Variants in HOXB3 observed in about 807,000 individuals in gnomAD.
HOXB3 encodes homeobox B3, also known as homeobox protein Hox-B3.
HOXB3 carries 17 observed loss-of-function variants against 29.2 expected under a neutral mutation model. That is an observed-to-expected ratio of 0.58 (90% confidence interval 0.40 to 0.87). HOXB3 has a LOEUF of 0.87. Ranked by LOEUF, HOXB3 falls within the 40% of genes least tolerant of loss-of-function variation. HOXB3 has a pLI of 0.00. For missense variants in HOXB3, 637 were observed against 616.3 expected (o/e 1.03, Z -0.35); for synonymous variants, 317 against 285.9 (o/e 1.11, Z -1.10).
chr17:48,558,046 A>AT (rs936729918), intron 2 of HOXB3, among the ~76,000 whole-genome samples: 39 of 151,582 alleles, frequency 2.6e-4, no homozygotes, highest in African/African-American at 8.6e-4. Flanking sequence ...ACTCCCCCAA[A>AT]TAAAAAAAAA....
At chr17:48,585,292 G>T (rs2070025432) in intron 1 of HOXB3, among the ~76,000 whole-genome samples, 1 of 152,214 alleles carries the variant, frequency 6.6e-6, no homozygotes, top group Non-Finnish European at 1.5e-5. Context: ...GTGGGGCCGA[G>T]GTTGCCGGAT....
intron 1 of HOXB3, chr17:48,577,896 A>T: frequency 7.2e-7 from 1 of 1,383,710 alleles, no homozygotes; most frequent in Non-Finnish European, 9.4e-7. Context: ...ATCCAGGGGT[A>T]GACGACGGGC....
intron 1 of HOXB3, among the ~76,000 whole-genome samples, chr17:48,586,298 G>A (rs1156486876): frequency 6.6e-6 from 1 of 152,184 alleles, no homozygotes; most frequent in African/African-American, 2.4e-5. Context: ...ACAGGTTCCC[G>A]AATTGCCCGA....
chr17:48,569,049 CCCTCTCTCTCT>C (rs1233756271), intron 2 of HOXB3, among the ~76,000 whole-genome samples: 19 of 117,028 alleles, frequency 1.6e-4, no homozygotes, highest in South Asian at 8.5e-4. Flanking sequence ...CTCTCTCTCT[CCCTCTCTCTCT>C]CCCCCCTCTC....
chr17:48,552,410 G>A lies in HOXB3; in HGVS notation c.65C>T (p.Pro22Leu). Reference protein sequence around the residue: ...AALFGGYSSYPGSNGFGFDVP... With the variant: ...AALFGGYSSYLGSNGFGFDVP... ...ATCGAAGCCGAAGCCATTGCTGCCA[G>A]GGTACGAGGAATAGCCTCCGAAGAG... Residue 22 changes from proline (P) to leucine (L), a missense_variant, in exon 4 of 5, where the codon CCT becomes CTT. Coordinates refer to ENST00000498678, the MANE Select transcript of HOXB3 (RefSeq NM_001384749.1). 6.2e-7 allele frequency: 1 copy of A among 1,611,184 alleles called. No homozygotes were observed. Among genetic ancestry groups the A allele is most frequent in the Non-Finnish European group, 8.5e-7 (1 of 1,178,126 alleles).
chr17:48,561,183 A>ACACACACACACAC (rs2069180332), intron 2 of HOXB3, among the ~76,000 whole-genome samples: 2 of 125,382 alleles, frequency 1.6e-5, no homozygotes, highest in African/African-American at 2.9e-5. Context: ...TCCGTCTCAA[A>ACACACACACACAC]ACACACACAC....
Position 48,551,030 on chromosome 17 carries a change from C to T in HOXB3, c.600G>A (p.Leu200=), listed in dbSNP as rs2068713378. The stretch of plus-strand genomic sequence containing the variant: ...AATGGAACTCCTTCTCCAGCTCCAC[C>T]AGCTGCGCGCTCGTGTACGCCGTCC... ...RARTAYTSAQ[L]VELEKEFHFN... Residue 200 remains leucine (L), a synonymous_variant, in exon 5 of 5, where the codon CTG becomes CTA. Coordinates refer to ENST00000498678, the MANE Select transcript of HOXB3 (RefSeq NM_001384749.1). The T allele has an allele frequency of 6.2e-7, 1 of 1,611,066 alleles. No individual in the cohort carries two copies. The highest frequency in any genetic ancestry group is 1.3e-5 in the African/African-American group (1 of 74,832).
chr17:48,555,985 A>G (rs2068973441), intron 2 of HOXB3, among the ~76,000 whole-genome samples: 1 of 151,606 alleles, frequency 6.6e-6, no homozygotes, highest in South Asian at 2.1e-4. Context: ...AGACACACAC[A>G]CACACTCACT....
intron 4 of HOXB3, 71 bp from the exon 5 acceptor site, chr17:48,551,252 T>A (rs2068728769): frequency 6.4e-6 from 8 of 1,251,078 alleles, no homozygotes; most frequent in Non-Finnish European, 8.0e-6. Flanking sequence ...ACGCCGAAAT[T>A]GAATGCATCG....
At chr17:48,579,853 T>C (rs1323754344) in intron 1 of HOXB3, 1 of 510,984 alleles carries the variant, frequency 2.0e-6, no homozygotes, top group East Asian at 5.8e-5. Context: ...GGAGTGTTTA[T>C]GTCAACTACA....
intron 2 of HOXB3, chr17:48,556,584 C>T (rs533801462): frequency 6.6e-6 from 1 of 151,508 alleles, no homozygotes; most frequent in East Asian, 1.9e-4. Context: ...ACCCCTCCCC[C>T]TTTTTCTTTT....
chr17:48,564,362 AC>A (rs1402480714), intron 2 of HOXB3, among the ~76,000 whole-genome samples: 2 of 151,176 alleles, frequency 1.3e-5, no homozygotes, highest in African/African-American at 4.9e-5. Context: ...ACCCGCAGCA[AC>A]CCCCAGCAAC....
Position 48,552,627 on chromosome 17 carries a change from G to A in HOXB3, c.-153C>T. 1 of 596,492 alleles carries A rather than the reference G, an allele frequency of 1.7e-6. No individual in the cohort carries two copies. Among genetic ancestry groups the A allele is most frequent in the Non-Finnish European group, 2.9e-6 (1 of 346,366 alleles). 36.9% of individuals were successfully genotyped at this position (596,492 alleles called of 1,614,324 possible). Reference sequence around the variant, plus strand: ...CCTCCTCCGGGGTCTGTTCCAAGCGGCTGACCTGCGAGGCGAGAGAAGAGA... The same window carrying A: ...CCTCCTCCGGGGTCTGTTCCAAGCGACTGACCTGCGAGGCGAGAGAAGAGA... On this transcript the variant is annotated 5_prime_UTR_variant, in exon 4 of 5. Coordinates refer to ENST00000498678, the MANE Select transcript of HOXB3 (RefSeq NM_001384749.1).
At position 48,550,150 on chromosome 17, in the gene HOXB3, G is replaced by A. The variant is rs1411613628; in HGVS notation, c.*184C>T. On this transcript the variant is annotated 3_prime_UTR_variant, in exon 5 of 5. Transcript: ENST00000498678. ...TGGGTTGGCAGGCAGATGGAACAAGGGGTGGAAGACTTAAAAGCAACCTCT... is the reference window on the plus strand; with the variant it reads ...TGGGTTGGCAGGCAGATGGAACAAGAGGTGGAAGACTTAAAAGCAACCTCT... 2.9e-6 allele frequency: 2 copies of A among 682,198 alleles called. No homozygotes were observed. 42.3% of individuals were successfully genotyped at this position (682,198 alleles called of 1,614,324 possible). A position where few individuals can be genotyped will look rare whatever the true frequency, so the allele number is the denominator to read the frequency against.
At chr17:48,583,785 C>T (rs946578499) in intron 1 of HOXB3, among the ~76,000 whole-genome samples, 1 of 152,228 alleles carries the variant, frequency 6.6e-6, no homozygotes, top group African/African-American at 2.4e-5. Context: ...CCAGGAATTC[C>T]TTCCTGGCCT....
chr17:48,588,103 T>TG (rs2070081361), intron 1 of HOXB3, among the ~76,000 whole-genome samples: 2 of 152,204 alleles, frequency 1.3e-5, no homozygotes, highest in Non-Finnish European at 2.9e-5. Context: ...GACAGAGGTC[T>TG]GGGGCAGAGG....
intron 2 of HOXB3, among the ~76,000 whole-genome samples, chr17:48,557,912 C>G (rs1444888471): frequency 6.6e-6 from 1 of 152,162 alleles, no homozygotes; most frequent in Middle Eastern, 3.2e-3. Flanking sequence ...GATCTCTACA[C>G]TCTGGTTAGA....
chr17:48,552,435 G>C lies in HOXB3; in HGVS notation c.40C>G (p.Leu14Val), dbSNP rs770940453. The change falls in exon 4 of 5, where the codon CTC becomes GTC. Residue 14 changes from leucine to valine, a missense_variant. By Grantham distance (32) the Leu-to-Val change is conservative (BLOSUM62 1). Coordinates refer to ENST00000498678, the MANE Select transcript of HOXB3 (RefSeq NM_001384749.1). ...ATYYDNAAAA[L>V]FGGYSSYPGS... The stretch of plus-strand genomic sequence containing the variant: ...GGGTACGAGGAATAGCCTCCGAAGA[G>C]AGCAGCCGCGGCGTTGTCGTAGTAG... 9 of 1,596,150 alleles carry C rather than the reference G, an allele frequency of 5.6e-6. No homozygotes were observed. Among genetic ancestry groups the C allele is most frequent in the Non-Finnish European group, 7.7e-6 (9 of 1,168,830 alleles).
Position 48,559,037 on chromosome 17 carries a change from AAAT to A in HOXB3, c.-246-3422_-246-3420del, listed in dbSNP as rs572933901. 8.5e-5 allele frequency among the ~76,000 whole-genome samples: 13 copies of A among 152,136 alleles called. No individual in the cohort carries two copies. In the East Asian group the frequency reaches 1.5e-3, roughly 18 times the overall value. ...ACTAGCATAAACTAATGAAGTAAAA[AAAT>A]AATAAGGGTAAAGATTAGAGAAAAT... On this transcript the variant is annotated intron_variant, in intron 2 of 4. Transcript: ENST00000498678.
Sources: allele counts gnomAD v4.1 joint callset (sites outside exome capture counted in the v4.1 genomes callset), GRCh38; gene constraint gnomAD v4.1.1; transcripts MANE v1.5; gene names NCBI Gene and HGNC (gene_info 2026-07-23, HGNC 2026-07-21).